Variants in RORA observed in about 807,000 individuals in gnomAD.
The protein encoded by RORA is RAR related orphan receptor A.
In RORA, 7 loss-of-function variants were observed where a neutral mutation model predicts 69.5. The observed-to-expected ratio is 0.10, with a 90% CI of 0.06 to 0.19. The LOEUF (loss-of-function observed/expected upper bound fraction) is 0.19. Among genes scored for constraint, RORA ranks in the 10% least tolerant of loss-of-function variants. The probability of loss-of-function intolerance (pLI) is 1.00; values close to 1 mark genes in which losing one functional copy is unlikely to be tolerated. For missense variants in RORA, 457 were observed against 663.0 expected (o/e 0.69, Z 3.41); for synonymous variants, 261 against 240.8 (o/e 1.08, Z -0.78).
intron 1 of RORA, among the ~76,000 whole-genome samples, chr15:61,037,606 G>A (rs972430254): frequency 1.3e-5 from 2 of 152,118 alleles, no homozygotes; most frequent in African/African-American, 4.8e-5. Context: ...GATGACCTTG[G>A]AATGCAGATC....
intron 2 of RORA, among the ~76,000 whole-genome samples, chr15:60,603,963 C>T (rs565579408): frequency 5.3e-5 from 8 of 151,830 alleles, no homozygotes; most frequent in South Asian, 2.1e-4. Context: ...GGTGAAACCC[C>T]GTCTCTACTG....
At chr15:60,926,078 A>G (rs17303258) in intron 1 of RORA, among the ~76,000 whole-genome samples, 12,186 of 152,250 alleles carry the variant, frequency 0.08, 895 homozygotes, top group African/African-American at 0.18. Context: ...CAAGGCTGCT[A>G]TATGAGGGGC....
chr15:60,767,015 C>G lies in RORA; in HGVS notation c.167-88329G>C, dbSNP rs77613981. On this transcript the variant is annotated intron_variant, in intron 1 of 10. Coordinates refer to ENST00000335670, the MANE Select transcript of RORA (RefSeq NM_134261.3). ...GGCAGCCCACAGGTTGTGTATGGCC[C>G]AAAGACATGTACTGTTTTGCCTACA... Among the ~76,000 whole-genome samples, 869 of 152,186 alleles carry G rather than the reference C, an allele frequency of 5.7e-3. 9 individuals carry two copies. The highest frequency in any genetic ancestry group is 0.02 in the African/African-American group (816 of 41,510).
chr15:61,106,803 G>A (rs1005031227), intron 1 of RORA, among the ~76,000 whole-genome samples: 4 of 152,056 alleles, frequency 2.6e-5, no homozygotes, highest in Non-Finnish European at 4.4e-5. Flanking sequence ...ATCTTCTGCC[G>A]CAGGTTTAAC....
intron 1 of RORA, among the ~76,000 whole-genome samples, chr15:60,958,866 A>G (rs1893341739): frequency 6.6e-6 from 1 of 152,196 alleles, no homozygotes; most frequent in Non-Finnish European, 1.5e-5. Flanking sequence ...AGGTTTGCAC[A>G]GCAACTTGGC....
intron 2 of RORA, among the ~76,000 whole-genome samples, chr15:60,612,668 T>G (rs975189510): frequency 1.9e-5 from 1 of 52,102 alleles, no homozygotes; most frequent in Non-Finnish European, 3.7e-5. Flanking sequence ...TCTGTTTTTT[T>G]TTTTTTTTTT....
At chr15:61,090,829 C>T (rs1253536433) in intron 1 of RORA, among the ~76,000 whole-genome samples, 1 of 152,102 alleles carries the variant, frequency 6.6e-6, no homozygotes, top group Non-Finnish European at 1.5e-5. Flanking sequence ...TGTTATTCAC[C>T]CCTGCCTGAT....
chr15:60,821,905 T>C (rs7169281), intron 1 of RORA, among the ~76,000 whole-genome samples: 62,863 of 152,084 alleles, frequency 0.41, 14,380 homozygotes, highest in South Asian at 0.52. Flanking sequence ...CAGCTGAGGA[T>C]TGGAATCCAG....
At chr15:61,105,155 C>A (rs574918942) in intron 1 of RORA, among the ~76,000 whole-genome samples, 1 of 152,246 alleles carries the variant, frequency 6.6e-6, no homozygotes, top group Non-Finnish European at 1.5e-5. Flanking sequence ...TCAAAAGTAA[C>A]TTTCTCAGGA....
intron 1 of RORA, among the ~76,000 whole-genome samples, chr15:61,033,833 T>A (rs531167379): frequency 3.0e-4 from 45 of 152,030 alleles, no homozygotes; most frequent in African/African-American, 9.6e-4. Context: ...ACTTGGGAGA[T>A]TGAGGTGGGA....
intron 1 of RORA, among the ~76,000 whole-genome samples, chr15:61,196,605 CACT>C (rs1214660738): frequency 2.6e-5 from 4 of 152,234 alleles, no homozygotes; most frequent in Non-Finnish European, 5.9e-5. Context: ...ATTCCAGTAG[CACT>C]ACGACTCAGT....
intron 2 of RORA, among the ~76,000 whole-genome samples, chr15:60,609,366 G>A (rs2069029581): frequency 2.6e-5 from 4 of 152,116 alleles, no homozygotes; most frequent in Non-Finnish European, 5.9e-5. Flanking sequence ...AACATTAATG[G>A]CAGGGATTTT....
At chr15:61,088,866 A>C (rs935486493) in intron 1 of RORA, among the ~76,000 whole-genome samples, 35 of 152,238 alleles carry the variant, frequency 2.3e-4, no homozygotes, top group Non-Finnish European at 4.4e-5. Flanking sequence ...TGAAAAGCAC[A>C]GCCAAACCTC....
At position 61,226,885 on chromosome 15, in the gene RORA, G is replaced by A. The variant is rs925909084; in HGVS notation, c.166+2168C>T. 2.0e-5 allele frequency among the ~76,000 whole-genome samples: 3 copies of A among 152,072 alleles called. No homozygotes were observed. The highest frequency in any genetic ancestry group is 2.1e-4 in the South Asian group (1 of 4,822). On this transcript the variant is annotated intron_variant, in intron 1 of 10. Transcript: ENST00000335670. This position sits in a 1 kb window ranked among gnomAD's most constrained non-coding sequence, Gnocchi z 4.2. ...AGAATGAGTTGGGGTGGGGGCAGAG[G>A]GTGGGGGGAAGGGGATATGGGTCAG... is the stretch of plus-strand genomic sequence containing the variant.
intron 1 of RORA, among the ~76,000 whole-genome samples, chr15:60,958,836 A>G (rs1296835812): frequency 2.6e-5 from 4 of 152,160 alleles, no homozygotes; most frequent in Admixed American, 2.0e-4. Flanking sequence ...ATATGGCACA[A>G]TCTGAGACGT....
At chr15:61,013,975 G>C (rs1336006175) in intron 1 of RORA, among the ~76,000 whole-genome samples, 1 of 151,980 alleles carries the variant, frequency 6.6e-6, no homozygotes, top group Non-Finnish European at 1.5e-5. Context: ...AGTAGAGACA[G>C]GGCTTCATCA....
chr15:61,136,790 A>T (rs1386344586), intron 1 of RORA, among the ~76,000 whole-genome samples: 2 of 152,178 alleles, frequency 1.3e-5, no homozygotes, highest in African/African-American at 4.8e-5. Flanking sequence ...AACTTTGTTC[A>T]CAGTGCCTTC....
intron 1 of RORA, among the ~76,000 whole-genome samples, chr15:60,797,674 G>A (rs943796497): frequency 6.6e-6 from 1 of 152,132 alleles, no homozygotes; most frequent in African/African-American, 2.4e-5. Flanking sequence ...CCCAGCCAAG[G>A]ACACCGGTGT....
rs59914367 is a variant in RORA at position 61,061,354 on chromosome 15, AAAAT to A, written c.166+167695_166+167698del. Among the ~76,000 whole-genome samples the A allele has an allele frequency of 0.02, 2,779 of 137,116 alleles. 71 individuals carry two copies. Among genetic ancestry groups the A allele is most frequent in the East Asian group, 0.099 (473 of 4,774 alleles). The allele number at this position is 137,116 out of a possible 152,430, so 90.0% of individuals were successfully genotyped here. On this transcript the variant is annotated intron_variant, in intron 1 of 10. Transcript: ENST00000335670. The surrounding 1 kb of genome is among the most constrained non-coding windows in gnomAD (Gnocchi z 4.4). ...GAGACAGAGCGAGGCTCTATCTTAA[AAAAT>A]AAATAAATAAATAAATAAATAAATA...
Sources: allele counts gnomAD v4.1 joint callset (sites outside exome capture counted in the v4.1 genomes callset), GRCh38; gene constraint gnomAD v4.1.1; non-coding constraint Gnocchi (gnomAD v3.1); transcripts MANE v1.5; gene names NCBI Gene and HGNC (gene_info 2026-07-23, HGNC 2026-07-21).